Variants in ENPEP observed in about 807,000 individuals in gnomAD.
ENPEP encodes AP-A.
Under a neutral mutation model 114.5 loss-of-function variants are expected in ENPEP, and 103 were observed. That is an observed-to-expected ratio of 0.90 (90% confidence interval 0.77 to 1.06). The LOEUF is 1.06. Ranked by LOEUF, ENPEP falls within the 50% of genes least tolerant of loss-of-function variation. The pLI, the probability that ENPEP is intolerant of heterozygous loss-of-function variation, is 0.00. For missense variants in ENPEP, 1,196 were observed against 1,161.3 expected, an observed-to-expected ratio of 1.03 and a Z score of -0.43; for synonymous variants, 420 against 422.0, an observed-to-expected ratio of 1.00 and a Z score of 0.06.
intron 10 of ENPEP, among the ~76,000 whole-genome samples, chr4:110,529,871 C>T (rs548117362): frequency 4.6e-5 from 7 of 151,958 alleles, no homozygotes; most frequent in Admixed American, 1.3e-4. Context: ...GTCAGGAGTT[C>T]GAGACCAACC....
intron 10 of ENPEP, 53 bp downstream of exon 10, chr4:110,520,419 G>C: frequency 6.4e-7 from 1 of 1,573,924 alleles, no homozygotes; most frequent in Non-Finnish European, 8.7e-7. Flanking sequence ...AGAAATATTG[G>C]TAATTTGTTT....
At chr4:110,482,406 T>G (rs1206112936) in intron 1 of ENPEP, among the ~76,000 whole-genome samples, 1 of 152,148 alleles carries the variant, frequency 6.6e-6, no homozygotes, top group African/African-American at 2.4e-5. Context: ...AGGTCGTAAG[T>G]TCAGTGTCAG....
chr4:110,494,014 G>C (rs1419367642), intron 3 of ENPEP, among the ~76,000 whole-genome samples: 2 of 152,124 alleles, frequency 1.3e-5, no homozygotes, highest in South Asian at 4.1e-4. Context: ...TCCCGAAAAA[G>C]TCATAACAAA....
At chr4:110,525,223 C>T (rs775285056) in intron 10 of ENPEP, among the ~76,000 whole-genome samples, 1 of 152,204 alleles carries the variant, frequency 6.6e-6, no homozygotes, top group Non-Finnish European at 1.5e-5. Flanking sequence ...TTCTTGGGTG[C>T]CAGCTGCTCC....
At chr4:110,498,737 G>A (rs1000761401) in intron 3 of ENPEP, among the ~76,000 whole-genome samples, 1 of 152,126 alleles carries the variant, frequency 6.6e-6, no homozygotes, top group Non-Finnish European at 1.5e-5. Flanking sequence ...GTCTGTTTAA[G>A]CTGATTCTTT....
intron 6 of ENPEP, among the ~76,000 whole-genome samples, chr4:110,510,903 T>C (rs1325561885): frequency 6.6e-6 from 1 of 152,194 alleles, no homozygotes; most frequent in Admixed American, 6.5e-5. Flanking sequence ...AAATAGAACA[T>C]TATTTTCTAT....
chr4:110,549,458 T>C (rs747802035), intron 15 of ENPEP, 39 bp downstream of exon 15: 4 of 1,611,406 alleles, frequency 2.5e-6, no homozygotes, highest in African/African-American at 2.7e-5. Flanking sequence ...TCATTTAACA[T>C]TTGTTTTTTG....
At chr4:110,486,569 A>G (rs1469604058) in intron 1 of ENPEP, among the ~76,000 whole-genome samples, 1 of 152,152 alleles carries the variant, frequency 6.6e-6, no homozygotes, top group Non-Finnish European at 1.5e-5. Context: ...TCGGCAAACC[A>G]AGAGATTGTG....
chr4:110,542,870 C>A lies in ENPEP; in HGVS notation c.1927C>A (p.Leu643Ile). ...VATWDSIATA[L>I]SLNHKTFSSA... is the part of the protein sequence containing the mutation. Reference sequence around the variant, plus strand: ...AACTTGGGACTCGATAGCTACAGCGCTCTCCTTGAACCACAAGGTAAGAGA... The same window carrying A: ...AACTTGGGACTCGATAGCTACAGCGATCTCCTTGAACCACAAGGTAAGAGA... The change falls in exon 12 of 20, where the codon CTC becomes ATC. Residue 643 changes from leucine to isoleucine, a missense_variant. Physicochemically the swap from Leu to Ile is conservative, Grantham distance 5. Transcript: ENST00000265162. 6.2e-7 allele frequency: 1 copy of A among 1,613,090 alleles called. No individual in the cohort carries two copies. Among genetic ancestry groups the A allele is most frequent in the South Asian group, 1.1e-5 (1 of 91,028 alleles).
At position 110,476,315 on chromosome 4, in the gene ENPEP, A is replaced by C; in HGVS notation, c.-100A>C. 1 of 1,446,954 alleles carries C rather than the reference A, an allele frequency of 6.9e-7. No individual in the cohort carries two copies. Among genetic ancestry groups the C allele is most frequent in the Non-Finnish European group, 9.2e-7 (1 of 1,081,888 alleles). The allele number at this position is 1,446,954 out of a possible 1,614,324, so 89.6% of individuals were successfully genotyped here. A position where few individuals can be genotyped will look rare whatever the true frequency, so the allele number is the denominator to read the frequency against. ...GTGGGAAAAGCGAAAACAGGCTGCC[A>C]AATCAGGGGATTCCTTCCAATTTAA... is the stretch of plus-strand genomic sequence containing the variant. On this transcript the variant is annotated 5_prime_UTR_variant, in exon 1 of 20. Transcript: ENST00000265162.
intron 17 of ENPEP, among the ~76,000 whole-genome samples, chr4:110,550,116 G>T (rs767641833): frequency 6.6e-6 from 1 of 152,000 alleles, no homozygotes; most frequent in Non-Finnish European, 1.5e-5. Flanking sequence ...GTGTGCAGCG[G>T]CTCAACATTT....
intron 3 of ENPEP, among the ~76,000 whole-genome samples, chr4:110,491,858 C>T (rs1281806843): frequency 2.0e-5 from 3 of 151,530 alleles, no homozygotes; most frequent in African/African-American, 7.3e-5. Context: ...GTAGCTGGGA[C>T]TACAGGCACC....
chr4:110,497,964 T>C (rs987459500), intron 3 of ENPEP, among the ~76,000 whole-genome samples: 1 of 152,238 alleles, frequency 6.6e-6, no homozygotes, highest in Non-Finnish European at 1.5e-5. Context: ...GCATGTTCAG[T>C]AATACCAGCT....
intron 18 of ENPEP, among the ~76,000 whole-genome samples, chr4:110,556,220 C>T (rs1727465003): frequency 6.6e-6 from 1 of 151,268 alleles, no homozygotes; most frequent in Admixed American, 6.6e-5. Context: ...GTGTTTTTTG[C>T]ACAAAATGCA....
At chr4:110,539,511 A>G (rs924219790) in intron 11 of ENPEP, among the ~76,000 whole-genome samples, 1 of 152,076 alleles carries the variant, frequency 6.6e-6, no homozygotes, top group Non-Finnish European at 1.5e-5. Context: ...TATATTTTGC[A>G]TGTCATTAGT....
chr4:110,490,534 T>C (rs1000018112), intron 2 of ENPEP, among the ~76,000 whole-genome samples: 2 of 152,180 alleles, frequency 1.3e-5, no homozygotes, highest in Non-Finnish European at 2.9e-5. Context: ...AGAATCCTCC[T>C]CTCTGTCCAT....
At chr4:110,549,939 TCA>T in intron 17 of ENPEP, 53 bp downstream of exon 17, 1 of 1,452,688 alleles carries the variant, frequency 6.9e-7, no homozygotes, top group Non-Finnish European at 9.3e-7. Context: ...AGTTTATGTG[TCA>T]CAGTCTCTTT....
intron 13 of ENPEP, among the ~76,000 whole-genome samples, chr4:110,546,609 C>T (rs956851760): frequency 1.3e-5 from 2 of 151,892 alleles, no homozygotes; most frequent in Non-Finnish European, 1.5e-5. Flanking sequence ...GTAATGGCCA[C>T]GTTAGCAAAT....
At chr4:110,539,197 G>C (rs1434261812) in intron 11 of ENPEP, among the ~76,000 whole-genome samples, 3 of 152,170 alleles carry the variant, frequency 2.0e-5, no homozygotes, top group African/African-American at 7.2e-5. Context: ...AAAAAATGCA[G>C]TATCTGCAAA....
Sources: allele counts gnomAD v4.1 joint callset (sites outside exome capture counted in the v4.1 genomes callset), GRCh38; gene constraint gnomAD v4.1.1; transcripts MANE v1.5; gene names NCBI Gene and HGNC (gene_info 2026-07-23, HGNC 2026-07-21).